The following BRIP1 variants were observed in gnomAD, a reference collection of about 807,000 sequenced individuals.
BRIP1 encodes BRCA1 interacting DNA helicase 1.
In BRIP1, 88 loss-of-function variants were observed where a neutral mutation model predicts 119.7. That is an observed-to-expected ratio of 0.74 (90% CI 0.62 to 0.88). The LOEUF is 0.88. Ranked by LOEUF, BRIP1 falls within the 40% of genes least tolerant of loss-of-function variation. BRIP1 has a pLI of 0.00. For synonymous variants in BRIP1, 443 were observed against 496.5 expected (o/e 0.89, Z 1.43); for missense variants, 1,259 against 1,455.4 (o/e 0.87, Z 2.20).
In BRIP1 at chr17:61,683,877, T is replaced by C. The variant is rs2144085839; in HGVS notation, c.3169A>G (p.Asn1057Asp). The change falls in exon 20 of 20, where the codon AAT becomes GAT. Residue 1057 changes from asparagine to aspartate, a missense_variant. Coordinates refer to ENST00000259008, the MANE Select transcript of BRIP1 (RefSeq NM_032043.3). The surrounding 1 kb of genome is among the most constrained non-coding windows in gnomAD (Gnocchi z 4.7). ...LPFTDKCESS[N>D]LTVNTSFGSC... ...CCAAACGATGTGTTTACTGTCAGAT[T>C]TGAGGATTCACATTTATCAGTGAAG... is the stretch of plus-strand genomic sequence containing the variant. 6.2e-7 allele frequency: 1 copy of C among 1,614,178 alleles called. No homozygotes were observed. Among genetic ancestry groups the C allele is most frequent in the South Asian group, 1.1e-5 (1 of 91,080 alleles).
chr17:61,819,173 G>T (rs1181096739), intron 6 of BRIP1, among the ~76,000 whole-genome samples: 1 of 108,944 alleles, frequency 9.2e-6, no homozygotes, highest in African/African-American at 4.0e-5. Flanking sequence ...GCAACAGAGT[G>T]AGAATTTGTC....
At position 61,815,548 on chromosome 17, in the gene BRIP1, G is replaced by A. The variant is rs375356850; in HGVS notation, c.628-6791C>T. ...CTTCTGAACTCATTTCTATTTTAAT[G>A]TTTGTTAATTACCTAATATTAACAT... On this transcript the variant is annotated intron_variant, in intron 6 of 19. Transcript: ENST00000259008. This position sits in a 1 kb window ranked among gnomAD's most constrained non-coding sequence, Gnocchi z 4.1. 6.6e-6 allele frequency among the ~76,000 whole-genome samples: 1 copy of A among 152,216 alleles called. No individual in the cohort carries two copies. The highest frequency in any genetic ancestry group is 2.4e-5 in the African/African-American group (1 of 41,560).
Position 61,846,155 on chromosome 17 carries a change from C to A in BRIP1, c.627+946G>T, listed in dbSNP as rs896647523. Among the ~76,000 whole-genome samples, 2 of 150,886 alleles carry A rather than the reference C, an allele frequency of 1.3e-5. No individual in the cohort carries two copies. Among genetic ancestry groups the A allele is most frequent in the African/African-American group, 2.4e-5 (1 of 41,034 alleles). On this transcript the variant is annotated intron_variant, in intron 6 of 19. Transcript: ENST00000259008. The surrounding 1 kb of genome is among the most constrained non-coding windows in gnomAD (Gnocchi z 4.3). The stretch of plus-strand genomic sequence containing the variant: ...GGAGATCACGCCACCGCACTTCCAG[C>A]CTGGGTGACAGAGCGATACTCCGTC...
intron 16 of BRIP1, among the ~76,000 whole-genome samples, chr17:61,721,199 C>T (rs1315823366): frequency 1.3e-5 from 2 of 150,362 alleles, no homozygotes; most frequent in African/African-American, 4.9e-5. Context: ...GAACAGTACA[C>T]TTCTGAAAAG....
At chr17:61,764,724 T>C (rs1011649381) in intron 14 of BRIP1, among the ~76,000 whole-genome samples, 16 of 152,164 alleles carry the variant, frequency 1.1e-4, no homozygotes, top group African/African-American at 3.6e-4. Flanking sequence ...TCATAAGTTA[T>C]ATTTAACTAA....
rs1231892765 is a variant in BRIP1 at position 61,827,027 on chromosome 17, C to T, written c.628-18270G>A. 1.3e-5 allele frequency among the ~76,000 whole-genome samples: 2 copies of T among 152,066 alleles called. No homozygotes were observed. Among genetic ancestry groups the T allele is most frequent in the African/African-American group, 4.8e-5 (2 of 41,396 alleles). On this transcript the variant is annotated intron_variant, in intron 6 of 19. Transcript: ENST00000259008. The surrounding 1 kb of genome is among the most constrained non-coding windows in gnomAD (Gnocchi z 5.8). ...CAAAGACATGGAATCAACCTAAATG[C>T]TAATCAATGGTAGACTAGATTTTAA...
rs1262747615 is a variant in BRIP1, at chr17:61,810,494, C to A, written c.628-1737G>T. On this transcript the variant is annotated intron_variant, in intron 6 of 19. Transcript: ENST00000259008. This position sits in a 1 kb window ranked among gnomAD's most constrained non-coding sequence, Gnocchi z 4.7. ...TTTTCATACCATCAATTTTTTCCCT[C>A]AATTATACTATTTCTCTTCCTTATG... 6.6e-6 allele frequency among the ~76,000 whole-genome samples: 1 copy of A among 152,124 alleles called. No individual in the cohort carries two copies. The highest frequency in any genetic ancestry group is 1.5e-5 in the Non-Finnish European group (1 of 68,012).
At chr17:61,858,137 G>A (rs1296511662) in intron 3 of BRIP1, among the ~76,000 whole-genome samples, 1 of 152,046 alleles carries the variant, frequency 6.6e-6, no homozygotes, top group Non-Finnish European at 1.5e-5. Context: ...TTTACATTGT[G>A]TGCCTACATT....
chr17:61,820,569 T>G lies in BRIP1; in HGVS notation c.628-11812A>C, dbSNP rs1244471038. On this transcript the variant is annotated intron_variant, in intron 6 of 19. Transcript: ENST00000259008. ...ATCACAGTCCCTGCCACTTAAAGAA[T>G]GTAATCACATGCACTTATACTTAGA... Among the ~76,000 whole-genome samples the G allele has an allele frequency of 2.0e-5, 3 of 152,202 alleles. No homozygotes were observed. The East Asian group carries it at 5.8e-4, about 29-fold the overall frequency.
intron 14 of BRIP1, among the ~76,000 whole-genome samples, chr17:61,747,429 A>G (rs2077072769): frequency 6.6e-6 from 1 of 152,064 alleles, no homozygotes; most frequent in African/African-American, 2.4e-5. Flanking sequence ...GGAAAAAAAA[A>G]AGAGAAAATC....
rs1429469827 is a variant in BRIP1 at position 61,753,810 on chromosome 17, G to A, written c.2098-9219C>T. ...CAACAACAACAAAAAACCAGAGAGG[G>A]TCTTGCTGTGTTGCCAAGGCTGGTC... On this transcript the variant is annotated intron_variant, in intron 14 of 19. Coordinates refer to ENST00000259008, the MANE Select transcript of BRIP1 (RefSeq NM_032043.3). This position sits in a 1 kb window ranked among gnomAD's most constrained non-coding sequence, Gnocchi z 4.6. 2.6e-5 allele frequency among the ~76,000 whole-genome samples: 4 copies of A among 152,050 alleles called. No homozygotes were observed. Among genetic ancestry groups the A allele is most frequent in the African/African-American group, 9.7e-5 (4 of 41,392 alleles).
At chr17:61,859,753 C>T (rs763003744) in intron 3 of BRIP1, 43 bp downstream of exon 3, 5 of 1,252,964 alleles carry the variant, frequency 4.0e-6, no homozygotes, top group Non-Finnish European at 5.9e-6. Flanking sequence ...TATATTTTCT[C>T]AGATCCCAGT....
rs982342681 is a variant in BRIP1 at position 61,780,176 on chromosome 17, A to C, written c.1935+85T>G. On this transcript the variant is annotated intron_variant, in intron 13 of 19. Transcript: ENST00000259008. This position sits in a 1 kb window ranked among gnomAD's most constrained non-coding sequence, Gnocchi z 5.4. The stretch of plus-strand genomic sequence containing the variant: ...TTCCTACCAAGATTTACTTGCTGGC[A>C]CTTCAGGTATCTTCTAACTTGTTTA... 1 of 1,395,792 alleles carries C rather than the reference A, an allele frequency of 7.2e-7. No individual in the cohort carries two copies. The highest frequency in any genetic ancestry group is 1.0e-6 in the Non-Finnish European group (1 of 1,001,962). 86.5% of individuals were successfully genotyped at this position (1,395,792 alleles called of 1,614,324 possible).
intron 11 of BRIP1, 99 bp downstream of exon 11, chr17:61,784,168 TCTC>T: frequency 2.0e-6 from 2 of 998,364 alleles, no homozygotes; most frequent in Admixed American, 2.1e-5. Context: ...TGTTTTCAAT[TCTC>T]CTATTTACTC....
chr17:61,829,848 G>A (rs778077111), intron 6 of BRIP1, among the ~76,000 whole-genome samples: 3 of 151,760 alleles, frequency 2.0e-5, no homozygotes, highest in Non-Finnish European at 4.4e-5. Flanking sequence ...GTGCTTAGAG[G>A]GAAATGTATA....
Position 61,793,560 on chromosome 17 carries a change from CA to C in BRIP1, c.1473+36del. On this transcript the variant is annotated intron_variant, in intron 10 of 19. Transcript: ENST00000259008. The surrounding 1 kb of genome is among the most constrained non-coding windows in gnomAD (Gnocchi z 5.2). Reference sequence around the variant, plus strand: ...AGTCACGACTAAATCACTTCTAATTCACTAAATACGTTTCACAGGTAGAAAA... The same window carrying C: ...AGTCACGACTAAATCACTTCTAATTCCTAAATACGTTTCACAGGTAGAAAA... 6.3e-7 allele frequency: 1 copy of C among 1,577,176 alleles called. No homozygotes were observed. The highest frequency in any genetic ancestry group is 2.3e-5 in the East Asian group (1 of 44,290).
Position 61,709,991 on chromosome 17 carries a change from A to G in BRIP1, c.2492+5960T>C, listed in dbSNP as rs2061747212. ...ATAAGCACCTTTTCTGTCAATCAAT[A>G]TACATTATGAGTTTTATTAAATAAC... On this transcript the variant is annotated intron_variant, in intron 17 of 19. Coordinates refer to ENST00000259008, the MANE Select transcript of BRIP1 (RefSeq NM_032043.3). This position sits in a 1 kb window ranked among gnomAD's most constrained non-coding sequence, Gnocchi z 5.0. Among the ~76,000 whole-genome samples, 3 of 152,128 alleles carry G rather than the reference A, an allele frequency of 2.0e-5. No homozygotes were observed. Among genetic ancestry groups the G allele is most frequent in the Non-Finnish European group, 2.9e-5 (2 of 68,012 alleles).
Position 61,700,961 on chromosome 17 carries a change from A to G in BRIP1, c.2493-7449T>C, listed in dbSNP as rs1248036124. On this transcript the variant is annotated intron_variant, in intron 17 of 19. Transcript: ENST00000259008. The surrounding 1 kb of genome is among the most constrained non-coding windows in gnomAD (Gnocchi z 4.1). ...CTGTAATGAATATTTCATTTTAGCTATTATACTTTCCAACTCCAGAATTTC... is the reference window on the plus strand; with the variant it reads ...CTGTAATGAATATTTCATTTTAGCTGTTATACTTTCCAACTCCAGAATTTC... 6.6e-6 allele frequency among the ~76,000 whole-genome samples: 1 copy of G among 152,110 alleles called. No individual in the cohort carries two copies. The highest frequency in any genetic ancestry group is 1.5e-5 in the Non-Finnish European group (1 of 68,024).
rs1234054589 is a variant in BRIP1, at chr17:61,703,052, GTTT to G, written c.2493-9543_2493-9541del. Among the ~76,000 whole-genome samples the G allele has an allele frequency of 1.4e-5, 2 of 146,842 alleles. No homozygotes were observed. The highest frequency in any genetic ancestry group is 2.5e-5 in the African/African-American group (1 of 39,600). ...ATGTTATCTCATTGTGTATGTATGT[GTTT>G]TTTTGTTTTTGTTTGTTTGTTTGTT... On this transcript the variant is annotated intron_variant, in intron 17 of 19. Coordinates refer to ENST00000259008, the MANE Select transcript of BRIP1 (RefSeq NM_032043.3). This position sits in a 1 kb window ranked among gnomAD's most constrained non-coding sequence, Gnocchi z 5.0.
Sources: allele counts gnomAD v4.1 joint callset (sites outside exome capture counted in the v4.1 genomes callset), GRCh38; gene constraint gnomAD v4.1.1; non-coding constraint Gnocchi (gnomAD v3.1); transcripts MANE v1.5; gene names NCBI Gene and HGNC (gene_info 2026-07-23, HGNC 2026-07-21).